Variants in LRCH1 observed in about 807,000 individuals in gnomAD.
The protein encoded by LRCH1 is leucine-rich repeat and calponin homology domain-containing protein 1.
Under a neutral mutation model 94.9 loss-of-function variants are expected in LRCH1, and 23 were observed. The observed-to-expected ratio is 0.24, with a 90% CI of 0.17 to 0.34. The LOEUF (loss-of-function observed/expected upper bound fraction) is 0.34. Ranked by LOEUF, LRCH1 falls within the 10% of genes least tolerant of loss-of-function variation. The pLI is 1.00. For missense variants in LRCH1, 790 were observed against 945.9 expected (o/e 0.84, Z 2.16); for synonymous variants, 364 against 354.9 (o/e 1.03, Z -0.29).
At chr13:46,714,861 T>C (rs950908201) in intron 15 of LRCH1, among the ~76,000 whole-genome samples, 3 of 152,240 alleles carry the variant, frequency 2.0e-5, no homozygotes, top group Non-Finnish European at 4.4e-5. Context: ...ATTGGATTTG[T>C]TGTTAAATAG....
At chr13:46,705,631 A>C in intron 13 of LRCH1, 1 of 461,962 alleles carries the variant, frequency 2.2e-6, no homozygotes, top group Non-Finnish European at 4.0e-6. Flanking sequence ...AACCTGGAGG[A>C]GGACCATTCA....
intron 6 of LRCH1, among the ~76,000 whole-genome samples, chr13:46,688,383 A>G (rs1358174170): frequency 6.6e-6 from 1 of 152,210 alleles, no homozygotes; most frequent in Non-Finnish European, 1.5e-5. Flanking sequence ...CTCCAGAACA[A>G]TGTTAAGAAA....
At chr13:46,725,011 A>C (rs757104464) in intron 17 of LRCH1, among the ~76,000 whole-genome samples, 2 of 152,244 alleles carry the variant, frequency 1.3e-5, no homozygotes, top group African/African-American at 2.4e-5. Flanking sequence ...ACACCATGGA[A>C]TACTACACAG....
chr13:46,625,158 G>A (rs2050930126), intron 1 of LRCH1, among the ~76,000 whole-genome samples: 1 of 152,224 alleles, frequency 6.6e-6, no homozygotes, highest in Non-Finnish European at 1.5e-5. Flanking sequence ...CTGTTGGCAC[G>A]TTGAGGGGTA....
chr13:46,555,527 A>T (rs539812308), intron 1 of LRCH1, among the ~76,000 whole-genome samples: 2 of 152,370 alleles, frequency 1.3e-5, no homozygotes, highest in Admixed American at 6.5e-5. Context: ...TGTGAAGTGG[A>T]TGCTGAAAGT....
chr13:46,742,375 G>A lies in LRCH1; in HGVS notation c.*527G>A. On this transcript the variant is annotated 3_prime_UTR_variant, in exon 20 of 20. Coordinates refer to ENST00000389797, the MANE Select transcript of LRCH1 (RefSeq NM_001164211.2). ...ACAAAACTTTAATAATACCACTACT[G>A]ACCAAGTTGGACGTGTACACGTACT... The A allele has an allele frequency of 1.0e-6, 1 of 993,428 alleles. No individual in the cohort carries two copies. The highest frequency in any genetic ancestry group is 1.2e-6 in the Non-Finnish European group (1 of 834,546). 61.5% of individuals were successfully genotyped at this position (993,428 alleles called of 1,614,324 possible).
chr13:46,598,656 G>A (rs1456560889), intron 1 of LRCH1, among the ~76,000 whole-genome samples: 3 of 151,842 alleles, frequency 2.0e-5, no homozygotes, highest in Non-Finnish European at 2.9e-5. Context: ...GGTTTTGCAA[G>A]GCTATTTGGT....
chr13:46,656,128 C>T (rs996189463), intron 2 of LRCH1, among the ~76,000 whole-genome samples: 3 of 152,232 alleles, frequency 2.0e-5, no homozygotes, highest in Admixed American at 6.5e-5. Context: ...CCACATTCCT[C>T]TGGGAGTCAC....
intron 1 of LRCH1, among the ~76,000 whole-genome samples, chr13:46,582,130 G>T (rs1211804284): frequency 7.9e-6 from 1 of 125,934 alleles, no homozygotes; most frequent in South Asian, 2.4e-4. Context: ...AGCCTGGGCG[G>T]CAGAGAGAGA....
chr13:46,628,013 G>T (rs2050971838), intron 1 of LRCH1, among the ~76,000 whole-genome samples: 1 of 152,126 alleles, frequency 6.6e-6, no homozygotes, highest in Admixed American at 6.6e-5. Context: ...TGGCTTATGG[G>T]AAATATTGGT....
At chr13:46,674,567 T>C (rs2051645872) in intron 3 of LRCH1, among the ~76,000 whole-genome samples, 1 of 152,274 alleles carries the variant, frequency 6.6e-6, no homozygotes, top group African/African-American at 2.4e-5. Flanking sequence ...GACTTCTATG[T>C]GCTCTGTTGC....
At chr13:46,668,471 CA>C (rs1392310924) in intron 2 of LRCH1, among the ~76,000 whole-genome samples, 11 of 152,268 alleles carry the variant, frequency 7.2e-5, no homozygotes, top group Non-Finnish European at 1.3e-4. Context: ...CTTGTTTTAA[CA>C]AAAGGAAGCT....
At position 46,716,520 on chromosome 13, in the gene LRCH1, A is replaced by ACAGG. The variant is rs1269031647; in HGVS notation, c.1759+856_1759+857insCAGG. Reference sequence around the variant, plus strand: ...GAGAATGTGATTTATAGGGAAGAGTAGTGAGGTACAGGGTATAGCCACAAT... The same window carrying ACAGG: ...GAGAATGTGATTTATAGGGAAGAGTACAGGGTGAGGTACAGGGTATAGCCACAAT... On this transcript the variant is annotated intron_variant, in intron 16 of 19. Coordinates refer to ENST00000389797, the MANE Select transcript of LRCH1 (RefSeq NM_001164211.2). 2.0e-5 allele frequency among the ~76,000 whole-genome samples: 3 copies of ACAGG among 152,222 alleles called. No homozygotes were observed. The East Asian group carries it at 5.8e-4, about 29-fold the overall frequency.
intron 3 of LRCH1, among the ~76,000 whole-genome samples, chr13:46,680,845 T>G (rs1179154465): frequency 6.6e-6 from 1 of 152,192 alleles, no homozygotes; most frequent in Non-Finnish European, 1.5e-5. Context: ...CTGTGAAGGA[T>G]GCATCCAAGG....
At chr13:46,606,816 C>T (rs547324928) in intron 1 of LRCH1, among the ~76,000 whole-genome samples, 4 of 152,284 alleles carry the variant, frequency 2.6e-5, no homozygotes, top group Middle Eastern at 3.4e-3. Flanking sequence ...AAGTGATCCT[C>T]CTGCCTCGGC....
chr13:46,627,655 C>T (rs749526327), intron 1 of LRCH1, among the ~76,000 whole-genome samples: 1 of 152,180 alleles, frequency 6.6e-6, no homozygotes, highest in Non-Finnish European at 1.5e-5. Flanking sequence ...TGGCAAAGAT[C>T]AACAAGGATG....
intron 1 of LRCH1, among the ~76,000 whole-genome samples, chr13:46,563,212 G>T (rs1173602976): frequency 6.6e-6 from 1 of 152,054 alleles, no homozygotes; most frequent in Non-Finnish European, 1.5e-5. Context: ...AAATATAAAG[G>T]CATAGTTCCA....
intron 1 of LRCH1, among the ~76,000 whole-genome samples, chr13:46,585,299 C>T (rs192188654): frequency 1.8e-4 from 28 of 152,224 alleles, no homozygotes; most frequent in African/African-American, 6.3e-4. Flanking sequence ...TTTCTAGAGC[C>T]GGGCGTGGTG....
At chr13:46,582,648 C>T (rs867327247) in intron 1 of LRCH1, among the ~76,000 whole-genome samples, 21 of 23,332 alleles carry the variant, frequency 9.0e-4, no homozygotes, top group Non-Finnish European at 1.6e-3. Flanking sequence ...CCATGCCCAG[C>T]TTTTTTTTTT....
Sources: allele counts gnomAD v4.1 joint callset (sites outside exome capture counted in the v4.1 genomes callset), GRCh38; gene constraint gnomAD v4.1.1; transcripts MANE v1.5; gene names NCBI Gene and HGNC (gene_info 2026-07-23, HGNC 2026-07-21).